The following CHCHD6 variants were observed in gnomAD, a reference collection of about 807,000 sequenced individuals.
CHCHD6 encodes MICOS complex subunit MIC25.
Under a neutral mutation model 32.3 loss-of-function variants are expected in CHCHD6, and 28 were observed. The ratio of observed to expected loss-of-function variants is 0.87; its 90% CI spans 0.64 to 1.19. The LOEUF is 1.19. CHCHD6 is among the 50% of genes most tolerant of loss of function. The pLI is 0.00. For missense variants in CHCHD6, 333 were observed against 307.0 expected, an observed-to-expected ratio of 1.08 and a Z score of -0.63; for synonymous variants, 122 against 117.5, an observed-to-expected ratio of 1.04 and a Z score of -0.25.
intron 5 of CHCHD6, among the ~76,000 whole-genome samples, chr3:126,891,703 G>C (rs2077761570): frequency 6.6e-6 from 1 of 152,158 alleles, no homozygotes. Context: ...GAGTGGGGTT[G>C]TGAGAAGTGC....
intron 5 of CHCHD6, among the ~76,000 whole-genome samples, chr3:126,880,020 A>G (rs1214704296): frequency 2.6e-5 from 4 of 152,228 alleles, no homozygotes; most frequent in African/African-American, 9.6e-5. Flanking sequence ...AGTGGCAGAA[A>G]TAAGATTTCT....
intron 4 of CHCHD6, among the ~76,000 whole-genome samples, chr3:126,752,619 C>T (rs1936772583): frequency 2.0e-5 from 3 of 152,194 alleles, no homozygotes; most frequent in Middle Eastern, 3.2e-3. Flanking sequence ...GTTGGGAGAC[C>T]TGGCTTTTTA....
At chr3:126,882,143 C>T (rs184497921) in intron 5 of CHCHD6, among the ~76,000 whole-genome samples, 220 of 152,296 alleles carry the variant, frequency 1.4e-3, no homozygotes, top group Non-Finnish European at 2.7e-3. Flanking sequence ...AAGTTACTGC[C>T]GTCAGGGGCG....
intron 4 of CHCHD6, among the ~76,000 whole-genome samples, chr3:126,752,455 G>A (rs1394433431): frequency 6.6e-6 from 1 of 152,204 alleles, no homozygotes; most frequent in East Asian, 1.9e-4. Flanking sequence ...CGTGCTGGGA[G>A]AAGGCCTTGG....
chr3:126,924,019 A>C (rs1367530015), intron 6 of CHCHD6, among the ~76,000 whole-genome samples: 1 of 152,206 alleles, frequency 6.6e-6, no homozygotes, highest in East Asian at 1.9e-4. Context: ...CACAAAGGGC[A>C]CTGCAGCCCT....
chr3:126,941,838 C>A (rs1393459416), intron 6 of CHCHD6, among the ~76,000 whole-genome samples: 1 of 152,224 alleles, frequency 6.6e-6, no homozygotes, highest in African/African-American at 2.4e-5. Context: ...AAGAATACCT[C>A]CTCCTTGGTC....
intron 4 of CHCHD6, among the ~76,000 whole-genome samples, chr3:126,747,311 C>T (rs1936544958): frequency 6.6e-6 from 1 of 152,160 alleles, no homozygotes; most frequent in African/African-American, 2.4e-5. Context: ...CTTGTATTTG[C>T]AGCTCATTTC....
intron 4 of CHCHD6, among the ~76,000 whole-genome samples, chr3:126,775,201 A>G (rs1018563689): frequency 4.6e-5 from 7 of 152,198 alleles, no homozygotes; most frequent in Non-Finnish European, 1.0e-4. Context: ...TAAGACAGTA[A>G]TTCCAGTTTA....
At chr3:126,726,640 G>A (rs750936358) in intron 1 of CHCHD6, among the ~76,000 whole-genome samples, 1 of 152,200 alleles carries the variant, frequency 6.6e-6, no homozygotes, top group African/African-American at 2.4e-5. Context: ...CTGTCGAGGA[G>A]CAGCCTTCCC....
At chr3:126,948,028 G>A (rs1378455090) in intron 6 of CHCHD6, among the ~76,000 whole-genome samples, 1 of 152,210 alleles carries the variant, frequency 6.6e-6, no homozygotes, top group African/African-American at 2.4e-5. Context: ...ATGTGCGCCT[G>A]GGCCCAGCCA....
At chr3:126,825,324 A>G (rs901163126) in intron 4 of CHCHD6, among the ~76,000 whole-genome samples, 1 of 152,206 alleles carries the variant, frequency 6.6e-6, no homozygotes, top group African/African-American at 2.4e-5. Context: ...TTTTATCATA[A>G]GGCCTTGTAT....
At chr3:126,900,574 A>G (rs912237603) in intron 5 of CHCHD6, among the ~76,000 whole-genome samples, 1 of 151,550 alleles carries the variant, frequency 6.6e-6, no homozygotes, top group African/African-American at 2.4e-5. Flanking sequence ...CAGAAGAAGC[A>G]AGAGAGAAGG....
chr3:126,734,796 A>G (rs1479399568), intron 4 of CHCHD6, among the ~76,000 whole-genome samples: 1 of 152,182 alleles, frequency 6.6e-6, no homozygotes, highest in Non-Finnish European at 1.5e-5. Context: ...GCAGGTGTTG[A>G]GAAGGTGATC....
At chr3:126,785,934 T>C (rs1428104385) in intron 4 of CHCHD6, among the ~76,000 whole-genome samples, 2 of 152,150 alleles carry the variant, frequency 1.3e-5, no homozygotes, top group African/African-American at 4.8e-5. Context: ...CCCATAAACT[T>C]GTCATTTACA....
chr3:126,722,699 A>G (rs1206095777), intron 1 of CHCHD6, among the ~76,000 whole-genome samples: 1 of 152,162 alleles, frequency 6.6e-6, no homozygotes, highest in Non-Finnish European at 1.5e-5. Context: ...GTTTTAGATA[A>G]AAGTTCCTTA....
intron 4 of CHCHD6, among the ~76,000 whole-genome samples, chr3:126,734,247 A>G (rs1006856800): frequency 1.3e-5 from 2 of 152,236 alleles, no homozygotes; most frequent in African/African-American, 4.8e-5. Flanking sequence ...GGGAGGTTGC[A>G]TATCCAGCTA....
chr3:126,860,666 C>CT (rs1307373421), intron 5 of CHCHD6, among the ~76,000 whole-genome samples: 3 of 152,040 alleles, frequency 2.0e-5, no homozygotes, highest in South Asian at 2.1e-4. Context: ...CCATTAACAC[C>CT]TTTTTTTTAG....
rs528412982 is a variant in CHCHD6 at position 126,916,860 on chromosome 3, C to T, written c.566+2110C>T. On this transcript the variant is annotated intron_variant, in intron 6 of 7. Coordinates refer to ENST00000290913, the MANE Select transcript of CHCHD6 (RefSeq NM_032343.3). ...CCAGGCCACAGCTCCTGCCCATTCT[C>T]TTACCCGAGCAGCTTCTTCCAAGGC... Among the ~76,000 whole-genome samples, 300 of 152,370 alleles carry T rather than the reference C, an allele frequency of 2.0e-3. 2 individuals carry two copies. Among genetic ancestry groups the T allele is most frequent in the Non-Finnish European group, 3.7e-3 (250 of 68,036 alleles).
At chr3:126,823,077 T>G (rs1940220704) in intron 4 of CHCHD6, among the ~76,000 whole-genome samples, 1 of 151,844 alleles carries the variant, frequency 6.6e-6, no homozygotes, top group African/African-American at 2.4e-5. Context: ...TGCCAGTTGT[T>G]TTGTTTTGTT....
Sources: allele counts gnomAD v4.1 joint callset (sites outside exome capture counted in the v4.1 genomes callset), GRCh38; gene constraint gnomAD v4.1.1; transcripts MANE v1.5; gene names NCBI Gene and HGNC (gene_info 2026-07-23, HGNC 2026-07-21).